Variants in SNAP47 observed in about 807,000 individuals in gnomAD.
The protein encoded by SNAP47 is synaptosome associated protein 47, also known as synaptosomal-associated protein 47.
In SNAP47, 20 loss-of-function variants were observed where a neutral mutation model predicts 31.4. The observed-to-expected ratio is 0.64, with a 90% CI of 0.45 to 0.93. The LOEUF (loss-of-function observed/expected upper bound fraction) is 0.93, where lower values mean the gene tolerates loss of function less well. Among genes scored for constraint, SNAP47 ranks in the 40% least tolerant of loss-of-function variants. SNAP47 has a pLI of 0.00. For synonymous variants in SNAP47, 194 were observed against 213.4 expected, an observed-to-expected ratio of 0.91 and a Z score of 0.79; for missense variants, 492 against 528.5, an observed-to-expected ratio of 0.93 and a Z score of 0.68.
In SNAP47 at chr1:227,759,216, A is replaced by G; in HGVS notation, c.719A>G (p.His240Arg). ...LTVLVSGLEI[H>R]DSSSLLMHRF... is the part of the protein sequence containing the mutation. ...GTCCTTGTGTCTGGGTTGGAAATAC[A>G]TGACTCCAGTTCTTTGCTCATGCAC... The change falls in exon 3 of 5, where the codon CAT becomes CGT. Residue 240 changes from histidine (H) to arginine (R), a missense_variant. Transcript: ENST00000617596. 4 of 1,614,212 alleles carry G rather than the reference A, an allele frequency of 2.5e-6. No homozygotes were observed. Among genetic ancestry groups the G allele is most frequent in the Non-Finnish European group, 8.5e-7 (1 of 1,180,044 alleles).
chr1:227,752,594 A>G (rs557499494), intron 2 of SNAP47, among the ~76,000 whole-genome samples: 14 of 152,280 alleles, frequency 9.2e-5, no homozygotes, highest in African/African-American at 2.9e-4. Context: ...ATAAAATTCC[A>G]TGGCATATAG....
chr1:227,758,282 G>A (rs1434586528), intron 2 of SNAP47, among the ~76,000 whole-genome samples: 2 of 152,212 alleles, frequency 1.3e-5, no homozygotes, highest in Non-Finnish European at 2.9e-5. Flanking sequence ...AAACTTCCTG[G>A]CCAGTAGAGG....
At chr1:227,750,488 A>G (rs1662277344) in intron 2 of SNAP47, among the ~76,000 whole-genome samples, 1 of 152,210 alleles carries the variant, frequency 6.6e-6, no homozygotes, top group African/African-American at 2.4e-5. Flanking sequence ...CTATGTGGAC[A>G]CTAATGTGAC....
At chr1:227,733,714 T>C (rs773243553), upstream of SNAP47, 20 of 1,598,584 alleles carry the variant, frequency 1.3e-5, no homozygotes, top group East Asian at 4.2e-4. Flanking sequence ...TTCATGCCTG[T>C]AGGGGCTGGT....
intron 4 of SNAP47, among the ~76,000 whole-genome samples, chr1:227,773,077 C>T (rs1663926044): frequency 1.3e-5 from 2 of 151,822 alleles, no homozygotes; most frequent in African/African-American, 2.4e-5. Flanking sequence ...TCTCCCACCT[C>T]AGCCTCCCAA....
At chr1:227,761,587 C>T (rs1189425651) in intron 3 of SNAP47, among the ~76,000 whole-genome samples, 2 of 152,166 alleles carry the variant, frequency 1.3e-5, no homozygotes, top group Admixed American at 6.5e-5. Context: ...AGACAGGCTA[C>T]AGAAGCATAG....
Position 227,767,045 on chromosome 1 carries a change from C to T in SNAP47, c.1075C>T (p.Pro359Ser). The T allele has an allele frequency of 6.2e-7, 1 of 1,614,092 alleles. No homozygotes were observed. Among genetic ancestry groups the T allele is most frequent in the Non-Finnish European group, 8.5e-7 (1 of 1,180,014 alleles). Reference sequence around the variant, plus strand: ...AGCACTGCACCTGCAGACAAGCCTGCCAGCCCTTTCTGAGGCAGATACCCA... The same window carrying T: ...AGCACTGCACCTGCAGACAAGCCTGTCAGCCCTTTCTGAGGCAGATACCCA... The part of the protein sequence containing the change: ...GTALHLQTSL[P>S]ALSEADTQEL... Residue 359 changes from proline (P) to serine (S), a missense_variant, in exon 4 of 5, where the codon CCA (proline) becomes TCA (serine). Coordinates refer to ENST00000617596, the MANE Select transcript of SNAP47 (RefSeq NM_053052.4).
intron 3 of SNAP47, among the ~76,000 whole-genome samples, chr1:227,760,058 A>G (rs1004428929): frequency 4.6e-5 from 7 of 152,228 alleles, no homozygotes; most frequent in African/African-American, 1.7e-4. Flanking sequence ...TGGACTTCCC[A>G]GCCCACAGAA....
At chr1:227,776,693 G>A (rs1664180166) in intron 4 of SNAP47, 46 of 985,468 alleles carry the variant, frequency 4.7e-5, no homozygotes, top group Non-Finnish European at 5.5e-5. Context: ...AAAAGAATCT[G>A]GACCTGCACT....
At chr1:227,768,672 C>G (rs1663592826) in intron 4 of SNAP47, among the ~76,000 whole-genome samples, 1 of 152,234 alleles carries the variant, frequency 6.6e-6, no homozygotes, top group Non-Finnish European at 1.5e-5. Flanking sequence ...GTGTAGCCAG[C>G]TCACTCTGCA....
chr1:227,753,635 G>T (rs367551223), intron 2 of SNAP47, among the ~76,000 whole-genome samples: 1 of 152,068 alleles, frequency 6.6e-6, no homozygotes, highest in African/African-American at 2.4e-5. Context: ...TCCTCACATC[G>T]GAGGCAGTTT....
At chr1:227,768,636 A>G (rs1459601157) in intron 4 of SNAP47, among the ~76,000 whole-genome samples, 2 of 152,180 alleles carry the variant, frequency 1.3e-5, no homozygotes, top group South Asian at 2.1e-4. Flanking sequence ...ATGTCTGGTA[A>G]TGGCACACAC....
Position 227,780,871 on chromosome 1 carries a change from T to TGCCCA in SNAP47, c.*200_*201insCCAGC. ...TGCCTGCCTCCCACTTGGCTGTCCC[T>TGCCCA]GCTGCTGGGCAGGACCCGGCCACAT... On this transcript the variant is annotated 3_prime_UTR_variant, in exon 5 of 5. Transcript: ENST00000617596. 1 of 695,496 alleles carries TGCCCA rather than the reference T, an allele frequency of 1.4e-6. No individual in the cohort carries two copies. The highest frequency in any genetic ancestry group is 2.3e-6 in the Non-Finnish European group (1 of 426,318). 43.1% of individuals were successfully genotyped at this position (695,496 alleles called of 1,614,324 possible).
At chr1:227,732,469 T>C, upstream of SNAP47, 5 of 1,613,306 alleles carry the variant, frequency 3.1e-6, no homozygotes, top group Middle Eastern at 1.6e-4. Context: ...AACGCGCTGG[T>C]GTCCACTCTC....
intron 2 of SNAP47, among the ~76,000 whole-genome samples, chr1:227,749,084 TG>T (rs1292195859): frequency 2.0e-4 from 31 of 152,218 alleles, no homozygotes; most frequent in African/African-American, 7.2e-4. Flanking sequence ...TCCAGTTTCC[TG>T]GAAAAACCTT....
At chr1:227,780,169 C>T (rs920940248) in intron 4 of SNAP47, among the ~76,000 whole-genome samples, 2 of 152,174 alleles carry the variant, frequency 1.3e-5, no homozygotes, top group Non-Finnish European at 2.9e-5. Flanking sequence ...CCCCAGCTGC[C>T]CCACTGTGGG....
upstream of SNAP47, chr1:227,734,334 G>C (rs563484082): frequency 6.6e-6 from 2 of 304,278 alleles, no homozygotes; most frequent in South Asian, 1.2e-4. Context: ...TGGGCAACAT[G>C]GTGAAACCTA....
At chr1:227,734,401 G>T, upstream of SNAP47, 3 of 296,728 alleles carry the variant, frequency 1.0e-5, no homozygotes, top group Non-Finnish European at 1.2e-5. Context: ...ACGCCTTCCT[G>T]TAATCCCAGG....
intron 1 of SNAP47, among the ~76,000 whole-genome samples, chr1:227,737,467 G>A (rs1478336924): frequency 6.6e-5 from 10 of 152,216 alleles, no homozygotes; most frequent in Non-Finnish European, 1.3e-4. Flanking sequence ...CCATGACTGT[G>A]TCTTGTAAAA....
Sources: allele counts gnomAD v4.1 joint callset (sites outside exome capture counted in the v4.1 genomes callset), GRCh38; gene constraint gnomAD v4.1.1; transcripts MANE v1.5; gene names NCBI Gene and HGNC (gene_info 2026-07-23, HGNC 2026-07-21).